Variants in SYK observed in about 807,000 individuals in gnomAD.
SYK encodes the protein tyrosine-protein kinase SYK.
Under a neutral mutation model 77.8 loss-of-function variants are expected in SYK, and 16 were observed. The ratio of observed to expected loss-of-function variants is 0.21; its 90% CI spans 0.14 to 0.31. The LOEUF is 0.31. Ranked by LOEUF, SYK falls within the 10% of genes least tolerant of loss-of-function variation. SYK has a pLI of 1.00. For synonymous variants in SYK, 312 were observed against 308.7 expected, an observed-to-expected ratio of 1.01 and a Z score of -0.11; for missense variants, 529 against 814.4, an observed-to-expected ratio of 0.65 and a Z score of 4.26.
In SYK at chr9:90,895,827, G is replaced by T; in HGVS notation, c.*227G>T. 1 of 523,324 alleles carries T rather than the reference G, an allele frequency of 1.9e-6. No homozygotes were observed. Among genetic ancestry groups the T allele is most frequent in the Non-Finnish European group, 3.5e-6 (1 of 289,632 alleles). The allele number at this position is 523,324 out of a possible 1,614,324, so 32.4% of individuals were successfully genotyped here. A position where few individuals can be genotyped will look rare whatever the true frequency, so the allele number is the denominator to read the frequency against. On this transcript the variant is annotated 3_prime_UTR_variant, in exon 14 of 14. Coordinates refer to ENST00000375754, the MANE Select transcript of SYK (RefSeq NM_003177.7). This position sits in a 1 kb window ranked among gnomAD's most constrained non-coding sequence, Gnocchi z 4.4. ...GATGGCAGGATCCAAGGGGCTAGCT[G>T]GATTTGTTTGTTTTCTTGTCTGTGT...
intron 1 of SYK, among the ~76,000 whole-genome samples, chr9:90,838,971 G>C (rs567255709): frequency 1.3e-5 from 2 of 152,220 alleles, no homozygotes; most frequent in Non-Finnish European, 2.9e-5. Flanking sequence ...TGCCACAGCC[G>C]TGGCCAAGAC....
chr9:90,880,808 G>A (rs1029781203), intron 11 of SYK, among the ~76,000 whole-genome samples: 2 of 152,204 alleles, frequency 1.3e-5, no homozygotes, highest in Non-Finnish European at 2.9e-5. Flanking sequence ...CAGGAGGACC[G>A]TTTCCACTCT....
chr9:90,845,407 T>C, intron 2 of SYK, 27 bp from the exon 3 acceptor site: 1 of 1,604,698 alleles, frequency 6.2e-7, no homozygotes, highest in Admixed American at 1.7e-5. Flanking sequence ...CGGTATGGTT[T>C]ACTCTGCTTT....
chr9:90,846,969 AC>A (rs1826622725), intron 3 of SYK, among the ~76,000 whole-genome samples: 1 of 152,264 alleles, frequency 6.6e-6, no homozygotes, highest in Admixed American at 6.5e-5. Context: ...CATAATCCAC[AC>A]GATGAGGCTG....
chr9:90,865,106 C>G lies in SYK; in HGVS notation c.846+9C>G. 2 of 1,613,192 alleles carry G rather than the reference C, an allele frequency of 1.2e-6. No homozygotes were observed. The highest frequency in any genetic ancestry group is 1.7e-6 in the Non-Finnish European group (2 of 1,179,186). On this transcript the variant is annotated intron_variant, in intron 6 of 13. Coordinates refer to ENST00000375754, the MANE Select transcript of SYK (RefSeq NM_003177.7). ...CAGGTTCCCATCCTGCGGTAAGTGT[C>G]ACTAGGAATACCACTGAATGAGAAG... is the stretch of plus-strand genomic sequence containing the variant.
intron 1 of SYK, among the ~76,000 whole-genome samples, chr9:90,841,619 G>A (rs922618834): frequency 6.6e-6 from 1 of 150,884 alleles, no homozygotes; most frequent in African/African-American, 2.4e-5. Flanking sequence ...TGTGTTTTGT[G>A]TGTGTAGTGT....
rs187334629 is a variant in SYK, at chr9:90,882,058, C to A, written c.1581+3105C>A. ...GGTTAGGTAGAAAAATTAAAAAGTACAGTGCTCAAAGAATATGCCCCTAGT... is the reference window on the plus strand; with the variant it reads ...GGTTAGGTAGAAAAATTAAAAAGTAAAGTGCTCAAAGAATATGCCCCTAGT... On this transcript the variant is annotated intron_variant, in intron 11 of 13. Coordinates refer to ENST00000375754, the MANE Select transcript of SYK (RefSeq NM_003177.7). Among the ~76,000 whole-genome samples the A allele has an allele frequency of 1.1e-4, 17 of 152,308 alleles. No homozygotes were observed. In the East Asian group the frequency reaches 3.1e-3, roughly 28 times the overall value.
In SYK at chr9:90,896,977, A is replaced by G. The variant is rs1829014242; in HGVS notation, c.*1377A>G. On this transcript the variant is annotated 3_prime_UTR_variant, in exon 14 of 14. Transcript: ENST00000375754. ...AGGAAACGGAGGTCGCAGTGAGCCA[A>G]GATCATGCCACTGCACTCCAGCTTG... The G allele has an allele frequency of 4.9e-6, 1 of 202,646 alleles. No homozygotes were observed. The highest frequency in any genetic ancestry group is 7.6e-5 in the East Asian group (1 of 13,154). The allele number at this position is 202,646 out of a possible 1,614,324, so 12.6% of individuals were successfully genotyped here. A position where few individuals can be genotyped will look rare whatever the true frequency, so the allele number is the denominator to read the frequency against.
At chr9:90,845,347 A>G in intron 2 of SYK, 87 bp from the exon 3 acceptor site, 4 of 1,425,818 alleles carry the variant, frequency 2.8e-6, no homozygotes, top group Non-Finnish European at 3.8e-6. Context: ...TTACCATGCC[A>G]GGACTCGAGA....
At chr9:90,863,140 GCATCA>G (rs1050559156) in intron 4 of SYK, among the ~76,000 whole-genome samples, 20 of 152,200 alleles carry the variant, frequency 1.3e-4, no homozygotes, top group African/African-American at 4.8e-4. Context: ...TCTTAATTTT[GCATCA>G]CAGCTACACT....
intron 3 of SYK, among the ~76,000 whole-genome samples, chr9:90,858,163 G>C (rs1023322036): frequency 1.3e-5 from 2 of 152,168 alleles, no homozygotes; most frequent in Non-Finnish European, 2.9e-5. Context: ...GAGGAGTCCA[G>C]CCCTTCCAGG....
At chr9:90,882,303 T>A (rs1828188364) in intron 11 of SYK, among the ~76,000 whole-genome samples, 1 of 152,246 alleles carries the variant, frequency 6.6e-6, no homozygotes, top group Admixed American at 6.5e-5. Context: ...AACAGAAGTA[T>A]AATCAGTTGT....
At chr9:90,879,179 A>G (rs182265178) in intron 11 of SYK, among the ~76,000 whole-genome samples, 144 of 152,366 alleles carry the variant, frequency 9.5e-4, no homozygotes, top group Non-Finnish European at 1.9e-4. Context: ...ATTATGTTTC[A>G]TGGAATGATC....
At chr9:90,867,557 G>A (rs942312796) in intron 7 of SYK, among the ~76,000 whole-genome samples, 12 of 152,180 alleles carry the variant, frequency 7.9e-5, no homozygotes, top group Non-Finnish European at 1.6e-4. Flanking sequence ...CCAGACTCAC[G>A]TGTTGCAGTG....
chr9:90,809,727 C>T (rs1354697461), intron 1 of SYK, among the ~76,000 whole-genome samples: 1 of 152,180 alleles, frequency 6.6e-6, no homozygotes, highest in African/African-American at 2.4e-5. Flanking sequence ...TGAACTAGAG[C>T]CTCGTGGAAA....
intron 4 of SYK, 96 bp downstream of exon 4, chr9:90,862,440 C>A: frequency 1.4e-6 from 2 of 1,401,864 alleles, no homozygotes; most frequent in Non-Finnish European, 1.9e-6. Context: ...ACTGGACCAC[C>A]CACTGCCCAC....
chr9:90,808,684 G>A (rs531710810), intron 1 of SYK, among the ~76,000 whole-genome samples: 15 of 152,104 alleles, frequency 9.9e-5, no homozygotes, highest in African/African-American at 3.1e-4. Flanking sequence ...CTTTTCCTGC[G>A]AGGCGTCTTC....
chr9:90,894,312 G>T (rs980524713), intron 13 of SYK, among the ~76,000 whole-genome samples: 5 of 152,178 alleles, frequency 3.3e-5, no homozygotes, highest in Non-Finnish European at 5.9e-5. Flanking sequence ...ACACTTGGTG[G>T]CCAGAGACAA....
intron 3 of SYK, among the ~76,000 whole-genome samples, chr9:90,853,555 G>A (rs1826901984): frequency 6.6e-6 from 1 of 152,120 alleles, no homozygotes; most frequent in Non-Finnish European, 1.5e-5. Flanking sequence ...AAAGTGATGA[G>A]TTCATGTCCT....
Sources: gnomAD v4.1 joint callset for allele counts (sites outside exome capture counted in the v4.1 genomes callset) on GRCh38, gnomAD v4.1.1 for gene constraint, Gnocchi (gnomAD v3.1) non-coding constraint, MANE v1.5 for transcripts, NCBI Gene and HGNC (gene_info 2026-07-23, HGNC 2026-07-21) for gene names.